Variants in PTPRK observed in about 807,000 individuals in gnomAD.
The protein encoded by PTPRK is protein tyrosine phosphatase receptor type K.
In PTPRK, 75 loss-of-function variants were observed where a neutral mutation model predicts 178.0. That is an observed-to-expected ratio of 0.42 (90% confidence interval 0.35 to 0.51). The LOEUF is 0.51. Among genes scored for constraint, PTPRK ranks in the 20% least tolerant of loss-of-function variants. The pLI, the probability that PTPRK is intolerant of heterozygous loss-of-function variation, is 0.02. For missense variants in PTPRK, 1,441 were observed against 1,797.8 expected (o/e 0.80, Z 3.59); for synonymous variants, 637 against 620.6 (o/e 1.03, Z -0.39).
At chr6:128,057,315 G>A (rs913570562) in intron 13 of PTPRK, among the ~76,000 whole-genome samples, 3 of 152,300 alleles carry the variant, frequency 2.0e-5, no homozygotes, top group Admixed American at 1.3e-4. Flanking sequence ...CTTGGAAAGG[G>A]CGGCTTGCAA....
chr6:128,236,665 A>C (rs1813343648), intron 5 of PTPRK, among the ~76,000 whole-genome samples: 1 of 152,106 alleles, frequency 6.6e-6, no homozygotes, highest in Non-Finnish European at 1.5e-5. Context: ...CTTTTAGTGC[A>C]TAAATGTACC....
chr6:128,496,589 C>T (rs1854695534), intron 1 of PTPRK, among the ~76,000 whole-genome samples: 1 of 152,140 alleles, frequency 6.6e-6, no homozygotes, highest in Admixed American at 6.5e-5. Flanking sequence ...CTTACATGGT[C>T]CTGTCCTGAA....
Position 128,084,786 on chromosome 6 carries a change from T to A in PTPRK, c.1466-962A>T, listed in dbSNP as rs181175809. ...CCAATTTCTAGTTCTGATAATATTT[T>A]AAAATATATAGTATCTATCCTACTT... On this transcript the variant is annotated intron_variant, in intron 8 of 29. Coordinates refer to ENST00000368226, the MANE Select transcript of PTPRK (RefSeq NM_002844.4). 3.2e-3 allele frequency: 487 copies of A among 152,330 alleles called. 1 individual carries two copies. The highest frequency in any genetic ancestry group is 0.011 in the African/African-American group (460 of 41,584). The allele number at this position is 152,330 out of a possible 1,614,324, so 9.4% of individuals were successfully genotyped here.
chr6:128,473,290 C>T (rs181227522), intron 1 of PTPRK, among the ~76,000 whole-genome samples: 1 of 151,966 alleles, frequency 6.6e-6, no homozygotes, highest in Non-Finnish European at 1.5e-5. Context: ...CACCAGAATG[C>T]TACAAAAGTG....
intron 5 of PTPRK, chr6:128,235,675 G>T: frequency 2.3e-6 from 1 of 431,026 alleles, no homozygotes; most frequent in Non-Finnish European, 4.8e-6. Flanking sequence ...GTAGCGTGAT[G>T]AAATCTTGTG....
chr6:127,992,940 G>C (rs1242483213), intron 18 of PTPRK, among the ~76,000 whole-genome samples: 1 of 151,524 alleles, frequency 6.6e-6, no homozygotes, highest in South Asian at 2.1e-4. Flanking sequence ...TTGTATAATT[G>C]ATTTTTGTTT....
chr6:128,170,491 C>T (rs993870927), intron 7 of PTPRK, among the ~76,000 whole-genome samples: 2 of 152,004 alleles, frequency 1.3e-5, no homozygotes, highest in Non-Finnish European at 2.9e-5. Context: ...CTTGCACTTT[C>T]TAAAGGTAAT....
chr6:128,294,919 G>C (rs1434155691), intron 3 of PTPRK, among the ~76,000 whole-genome samples: 1 of 140,964 alleles, frequency 7.1e-6, no homozygotes, highest in Non-Finnish European at 1.5e-5. Context: ...AACTCAAAAA[G>C]AAACCATAGA....
chr6:128,258,801 C>T (rs534071381), intron 3 of PTPRK, among the ~76,000 whole-genome samples: 1 of 152,186 alleles, frequency 6.6e-6, no homozygotes, highest in South Asian at 2.1e-4. Context: ...CCATTCCAGG[C>T]GGAGGGAATG....
At chr6:128,299,472 T>C (rs1017743137) in intron 3 of PTPRK, among the ~76,000 whole-genome samples, 6 of 152,012 alleles carry the variant, frequency 3.9e-5, no homozygotes, top group Non-Finnish European at 7.4e-5. Flanking sequence ...CTTCAAACTA[T>C]ACTACAAGGC....
At chr6:128,008,331 AAT>A (rs200292606) in intron 14 of PTPRK, among the ~76,000 whole-genome samples, 4 of 61,250 alleles carry the variant, frequency 6.5e-5, no homozygotes, top group South Asian at 5.9e-4. Flanking sequence ...TTTGCTTATA[AAT>A]ATTTTTTTTA....
intron 1 of PTPRK, among the ~76,000 whole-genome samples, chr6:128,416,294 G>C (rs569105850): frequency 1.3e-5 from 2 of 152,004 alleles, no homozygotes; most frequent in Non-Finnish European, 2.9e-5. Flanking sequence ...GATTAATGCA[G>C]CATTAACTTT....
At chr6:127,995,943 C>A (rs1304937359) in intron 17 of PTPRK, among the ~76,000 whole-genome samples, 1 of 151,992 alleles carries the variant, frequency 6.6e-6, no homozygotes, top group Admixed American at 6.6e-5. Flanking sequence ...TTTGAATTCC[C>A]GCTCTCAGTT....
At chr6:128,089,602 T>C in intron 8 of PTPRK, 88 bp downstream of exon 8, 1 of 1,281,322 alleles carries the variant, frequency 7.8e-7, no homozygotes. Flanking sequence ...TCCAATTCAG[T>C]ATTGGACAAT....
At chr6:128,271,030 TC>T (rs1819730252) in intron 3 of PTPRK, among the ~76,000 whole-genome samples, 2 of 151,958 alleles carry the variant, frequency 1.3e-5, no homozygotes, top group Non-Finnish European at 2.9e-5. Context: ...TTTATTTAGG[TC>T]CTTAACATCA....
At chr6:128,436,834 A>G (rs575537817) in intron 1 of PTPRK, among the ~76,000 whole-genome samples, 1 of 152,292 alleles carries the variant, frequency 6.6e-6, no homozygotes, top group South Asian at 2.1e-4. Flanking sequence ...CTGCCAGGGT[A>G]TGAAGAGAAG....
At chr6:128,357,131 A>G (rs750374671) in intron 2 of PTPRK, among the ~76,000 whole-genome samples, 17 of 152,208 alleles carry the variant, frequency 1.1e-4, no homozygotes, top group African/African-American at 4.1e-4. Context: ...ACAGGGATCC[A>G]TCCTTCCTGA....
chr6:127,999,842 T>C (rs1376880875), intron 15 of PTPRK: 15 of 479,044 alleles, frequency 3.1e-5, no homozygotes, highest in East Asian at 1.5e-4. Context: ...AATATTCCAA[T>C]GAATGAATTA....
At chr6:128,418,329 C>T (rs1445056859) in intron 1 of PTPRK, among the ~76,000 whole-genome samples, 1 of 152,202 alleles carries the variant, frequency 6.6e-6, no homozygotes, top group East Asian at 1.9e-4. Context: ...GGGTCCCTAA[C>T]CCCCAGGTCA....
Sources: allele counts gnomAD v4.1 joint callset (sites outside exome capture counted in the v4.1 genomes callset), GRCh38; gene constraint gnomAD v4.1.1; transcripts MANE v1.5; gene names NCBI Gene and HGNC (gene_info 2026-07-23, HGNC 2026-07-21).